The following KIAA1217 variants were observed in gnomAD, a reference collection of about 807,000 sequenced individuals.
KIAA1217 encodes KIAA1217.
In KIAA1217, 88 loss-of-function variants were observed where a neutral mutation model predicts 163.9. The observed-to-expected ratio is 0.54, with a 90% CI of 0.45 to 0.64. The LOEUF (loss-of-function observed/expected upper bound fraction) is 0.64, where lower values mean the gene tolerates loss of function less well. Ranked by LOEUF, KIAA1217 falls within the 30% of genes least tolerant of loss-of-function variation. KIAA1217 has a pLI of 0.00. For missense variants in KIAA1217, 2,372 were observed against 2,475.0 expected (o/e 0.96, Z 0.88); for synonymous variants, 903 against 923.1 (o/e 0.98, Z 0.39).
intron 1 of KIAA1217, among the ~76,000 whole-genome samples, chr10:23,918,731 TATACACACACAC>T: frequency 7.3e-6 from 1 of 137,914 alleles, no homozygotes; most frequent in East Asian, 2.0e-4. Context: ...GAATTAAATA[TATACACACACAC>T]ACACACACAC....
intron 1 of KIAA1217, among the ~76,000 whole-genome samples, chr10:23,934,575 A>ATG (rs1420302818): frequency 0.014 from 903 of 65,836 alleles, 101 homozygotes; most frequent in African/African-American, 0.079. Flanking sequence ...ATATATATAT[A>ATG]TATATATATA....
At chr10:24,484,239 A>ATTTT (rs1554896420) in intron 6 of KIAA1217, among the ~76,000 whole-genome samples, 6 of 86,198 alleles carry the variant, frequency 7.0e-5, no homozygotes, top group African/African-American at 1.8e-4. Context: ...ATATATATAT[A>ATTTT]TATTTTTTTT....
intron 6 of KIAA1217, among the ~76,000 whole-genome samples, chr10:24,474,971 C>A (rs747729797): frequency 6.6e-6 from 1 of 152,226 alleles, no homozygotes; most frequent in Non-Finnish European, 1.5e-5. Context: ...GTAATCCCAG[C>A]ACTTTGGGAG....
At chr10:23,855,219 A>G (rs879422830) in intron 1 of KIAA1217, among the ~76,000 whole-genome samples, 10 of 152,154 alleles carry the variant, frequency 6.6e-5, no homozygotes, top group Non-Finnish European at 1.5e-4. Flanking sequence ...GTTGGTGACA[A>G]AATCTCTCAG....
intron 1 of KIAA1217, among the ~76,000 whole-genome samples, chr10:23,850,936 A>G (rs1196542943): frequency 6.6e-6 from 1 of 152,056 alleles, no homozygotes; most frequent in South Asian, 2.1e-4. Flanking sequence ...TATCAATGAG[A>G]ACAGCAAGGG....
intron 2 of KIAA1217, among the ~76,000 whole-genome samples, chr10:24,252,584 A>T (rs549823491): frequency 1.2e-4 from 19 of 152,302 alleles, no homozygotes; most frequent in African/African-American, 4.6e-4. Context: ...TGTCCAAAAA[A>T]GAAAGATAAT....
At chr10:23,724,899 C>T (rs1328241438) in intron 1 of KIAA1217, among the ~76,000 whole-genome samples, 1 of 152,152 alleles carries the variant, frequency 6.6e-6, no homozygotes, top group African/African-American at 2.4e-5. Context: ...ATCCCATTTG[C>T]AGGAGGACTT....
In KIAA1217 at chr10:24,527,950, A is replaced by G. The variant is rs1289001343; in HGVS notation, c.2913A>G (p.Lys971=). The part of the protein sequence containing the change: ...RAVSIEKAEK[K]WEEKRQNLDH... ...TATTCCTCCAGAAAGCAGAAAAGAA[A>G]TGGGAGGAAAAAAGGCAAAATCTGG... is the stretch of plus-strand genomic sequence containing the variant. Residue 971 remains lysine (K), a synonymous_variant, in exon 14 of 21, where the codon AAA becomes AAG. Transcript: ENST00000376454. 2.5e-6 allele frequency: 4 copies of G among 1,613,732 alleles called. No individual in the cohort carries two copies. The highest frequency in any genetic ancestry group is 3.3e-5 in the Admixed American group (2 of 59,978).
chr10:23,958,424 A>G (rs766173302), intron 1 of KIAA1217, among the ~76,000 whole-genome samples: 2 of 152,212 alleles, frequency 1.3e-5, no homozygotes, highest in Non-Finnish European at 2.9e-5. Context: ...GCAGTGCTTT[A>G]TAGGTGGGTA....
chr10:24,513,521 G>T (rs2069533213), intron 10 of KIAA1217, 87 bp downstream of exon 10: 2 of 1,323,726 alleles, frequency 1.5e-6, no homozygotes, highest in South Asian at 2.7e-5. Context: ...CCAGTTGGTG[G>T]TCTTGCCCTC....
At chr10:24,348,583 G>A (rs2133969231) in intron 2 of KIAA1217, among the ~76,000 whole-genome samples, 1 of 152,158 alleles carries the variant, frequency 6.6e-6, no homozygotes, top group Non-Finnish European at 1.5e-5. Context: ...TAAAGATACA[G>A]GGAAGATTTT....
chr10:23,827,921 G>T (rs576713314), intron 1 of KIAA1217, among the ~76,000 whole-genome samples: 5 of 152,160 alleles, frequency 3.3e-5, no homozygotes, highest in Non-Finnish European at 7.4e-5. Flanking sequence ...ATGACTGTTT[G>T]CCCAGGGAAA....
chr10:23,878,737 C>T (rs1027141758), intron 1 of KIAA1217, among the ~76,000 whole-genome samples: 1 of 151,804 alleles, frequency 6.6e-6, no homozygotes, highest in South Asian at 2.1e-4. Flanking sequence ...GTGCATCTGT[C>T]TAGAGAAAAG....
chr10:23,803,694 T>C (rs1285429989), intron 1 of KIAA1217, among the ~76,000 whole-genome samples: 3 of 152,220 alleles, frequency 2.0e-5, no homozygotes, highest in Non-Finnish European at 1.5e-5. Context: ...CTTTTCTCAA[T>C]TTTAAATCAG....
At chr10:24,464,814 A>G (rs2062777388) in intron 5 of KIAA1217, among the ~76,000 whole-genome samples, 1 of 152,166 alleles carries the variant, frequency 6.6e-6, no homozygotes, top group Non-Finnish European at 1.5e-5. Context: ...AACATGTCGA[A>G]CATGGCATGA....
intron 2 of KIAA1217, among the ~76,000 whole-genome samples, chr10:24,072,414 T>TA (rs1296606529): frequency 2.6e-5 from 4 of 152,190 alleles, no homozygotes; most frequent in Admixed American, 2.6e-4. Flanking sequence ...ACATTTAAGA[T>TA]TGGTCAAAAA....
chr10:24,317,045 A>G (rs2043474634), intron 2 of KIAA1217, among the ~76,000 whole-genome samples: 1 of 152,208 alleles, frequency 6.6e-6, no homozygotes, highest in East Asian at 1.9e-4. Context: ...AGAAAAGGCT[A>G]GAATTATAAA....
At chr10:24,292,490 C>T (rs17383345) in intron 2 of KIAA1217, among the ~76,000 whole-genome samples, 48,299 of 152,050 alleles carry the variant, frequency 0.32, 8,405 homozygotes, top group Admixed American at 0.47. Context: ...TTCTGCACAA[C>T]CATGAAGAGG....
chr10:23,727,962 G>T (rs1838264931), intron 1 of KIAA1217, among the ~76,000 whole-genome samples: 2 of 152,096 alleles, frequency 1.3e-5, no homozygotes, highest in South Asian at 4.2e-4. Flanking sequence ...CCATGTCCCT[G>T]CAAAGGACAT....
Sources: gnomAD v4.1 joint callset for allele counts (sites outside exome capture counted in the v4.1 genomes callset) on GRCh38, gnomAD v4.1.1 for gene constraint, MANE v1.5 for transcripts, NCBI Gene and HGNC (gene_info 2026-07-23, HGNC 2026-07-21) for gene names.